The following ANXA6 variants were observed in gnomAD, a reference collection of about 807,000 sequenced individuals.
ANXA6 encodes the protein 67 kDa calelectrin.
ANXA6 carries 71 observed loss-of-function variants against 95.4 expected under a neutral mutation model. The observed-to-expected ratio is 0.74, with a 90% CI of 0.61 to 0.91. The LOEUF (loss-of-function observed/expected upper bound fraction) is 0.91, where lower values mean the gene tolerates loss of function less well. Ranked by LOEUF, ANXA6 falls within the 40% of genes least tolerant of loss-of-function variation. The pLI is 0.00. For missense variants in ANXA6, 830 were observed against 876.4 expected (o/e 0.95, Z 0.67); for synonymous variants, 289 against 315.9 (o/e 0.91, Z 0.90).
intron 22 of ANXA6, among the ~76,000 whole-genome samples, chr5:151,109,043 T>A (rs2113896817): frequency 6.6e-6 from 1 of 152,266 alleles, no homozygotes; most frequent in Admixed American, 6.5e-5. Context: ...ACAACAATCA[T>A]CTCGGGTAGA....
chr5:151,125,513 G>A (rs1022193077), intron 14 of ANXA6, among the ~76,000 whole-genome samples: 3 of 152,154 alleles, frequency 2.0e-5, no homozygotes, highest in African/African-American at 4.8e-5. Flanking sequence ...CTTGCCAGAA[G>A]CTCTGAAACT....
chr5:151,146,978 G>A (rs978551964), intron 2 of ANXA6, among the ~76,000 whole-genome samples: 3 of 152,068 alleles, frequency 2.0e-5, no homozygotes, highest in Non-Finnish European at 2.9e-5. Flanking sequence ...CTGCCATATT[G>A]TCCAGGCTGG....
intron 7 of ANXA6, among the ~76,000 whole-genome samples, chr5:151,135,544 T>C (rs1416382862): frequency 1.3e-5 from 2 of 152,340 alleles, no homozygotes; most frequent in East Asian, 3.9e-4. Context: ...TCCTTGGAGC[T>C]GAGCTTGAGA....
chr5:151,154,743 C>A (rs1766193537), intron 1 of ANXA6: 1 of 152,226 alleles, frequency 6.6e-6, no homozygotes, highest in Non-Finnish European at 1.5e-5. Flanking sequence ...AACCATTGAT[C>A]CTAGGACTGG....
At chr5:151,137,204 C>A in intron 6 of ANXA6, 27 bp downstream of exon 6, 1 of 1,596,914 alleles carries the variant, frequency 6.3e-7, no homozygotes, top group Middle Eastern at 1.7e-4. Context: ...TCTGAAGATC[C>A]TAAGCGGCCC....
chr5:151,126,082 C>G (rs922304167), intron 14 of ANXA6, among the ~76,000 whole-genome samples: 8 of 152,194 alleles, frequency 5.3e-5, no homozygotes, highest in Non-Finnish European at 1.0e-4. Flanking sequence ...CATCTGTTCT[C>G]AGCTTTCATG....
chr5:151,123,439 C>T (rs1167461493), intron 15 of ANXA6, among the ~76,000 whole-genome samples: 1 of 152,236 alleles, frequency 6.6e-6, no homozygotes, highest in Non-Finnish European at 1.5e-5. Context: ...TATGTCCTTT[C>T]TCTTCAGCTC....
chr5:151,121,291 C>T (rs1445803688), intron 17 of ANXA6, among the ~76,000 whole-genome samples: 1 of 152,198 alleles, frequency 6.6e-6, no homozygotes, highest in Non-Finnish European at 1.5e-5. Flanking sequence ...TCAGTTTCCT[C>T]ATCTGTAAAA....
intron 12 of ANXA6, among the ~76,000 whole-genome samples, chr5:151,128,872 T>C (rs1206583659): frequency 1.3e-5 from 2 of 152,050 alleles, no homozygotes; most frequent in East Asian, 3.9e-4. Flanking sequence ...AAAATTACCC[T>C]TTGGAAACAT....
intron 18 of ANXA6, among the ~76,000 whole-genome samples, chr5:151,119,047 C>G (rs1020114538): frequency 6.6e-6 from 1 of 152,244 alleles, no homozygotes; most frequent in Admixed American, 6.5e-5. Flanking sequence ...CGCCCTCCCT[C>G]TCTCCAGCAG....
intron 13 of ANXA6, among the ~76,000 whole-genome samples, chr5:151,127,111 T>G (rs1765348138): frequency 6.6e-6 from 1 of 152,230 alleles, no homozygotes; most frequent in Non-Finnish European, 1.5e-5. Context: ...TCCTTAGAAT[T>G]TGAATGGCTT....
rs1401571874 is a variant in ANXA6 at position 151,100,713 on chromosome 5, ATGTGTTTG to A, written c.*727_*734del. On this transcript the variant is annotated 3_prime_UTR_variant, in exon 26 of 26. Transcript: ENST00000354546. ...AGAGGCCCTCACTGGAAATGTGTTT[ATGTGTTTG>A]TGTATCTCTTTTTATTTCTTCCTTA... is the stretch of plus-strand genomic sequence containing the variant. 8.1e-6 allele frequency: 3 copies of A among 371,284 alleles called. No homozygotes were observed. Among genetic ancestry groups the A allele is most frequent in the East Asian group, 7.3e-5 (1 of 13,776 alleles). The allele number at this position is 371,284 out of a possible 1,614,324, so 23.0% of individuals were successfully genotyped here.
chr5:151,141,738 C>A, intron 2 of ANXA6: 1 of 984,730 alleles, frequency 1.0e-6, no homozygotes, highest in Middle Eastern at 5.2e-4. Flanking sequence ...AGGAACACAG[C>A]TCTCTTCCTG....
At chr5:151,150,732 G>A (rs1415104209) in intron 1 of ANXA6, among the ~76,000 whole-genome samples, 6 of 152,204 alleles carry the variant, frequency 3.9e-5, no homozygotes, top group African/African-American at 1.2e-4. Flanking sequence ...TGTGTGGTGG[G>A]GGGAGGAGGG....
chr5:151,129,121 T>C (rs2113927353), intron 12 of ANXA6, among the ~76,000 whole-genome samples: 1 of 152,376 alleles, frequency 6.6e-6, no homozygotes, highest in East Asian at 1.9e-4. Flanking sequence ...GACTGAACTA[T>C]CACTGCCCTT....
chr5:151,154,295 G>GTATATATATATATATATATATATATA (rs58268342), intron 1 of ANXA6, among the ~76,000 whole-genome samples: 2 of 138,944 alleles, frequency 1.4e-5, no homozygotes, highest in Non-Finnish European at 3.1e-5. Context: ...GCAGTTTGCA[G>GTATATATATATATATATATATATATA]TATATATATA....
At chr5:151,139,695 A>T (rs1283031032) in intron 3 of ANXA6, among the ~76,000 whole-genome samples, 1 of 152,222 alleles carries the variant, frequency 6.6e-6, no homozygotes, top group African/African-American at 2.4e-5. Flanking sequence ...TGCACAAATC[A>T]GGAAATTAAG....
chr5:151,132,983 G>T, intron 9 of ANXA6, 111 bp downstream of exon 9: 1 of 837,200 alleles, frequency 1.2e-6, no homozygotes. Flanking sequence ...TTTGGGTTGG[G>T]AATGAAGTAG....
intron 11 of ANXA6, among the ~76,000 whole-genome samples, chr5:151,130,293 G>A (rs1765459448): frequency 6.6e-6 from 1 of 151,168 alleles, no homozygotes. Context: ...AGAGTACAGT[G>A]GCGTGATCAC....
Sources: allele counts gnomAD v4.1 joint callset (sites outside exome capture counted in the v4.1 genomes callset), GRCh38; gene constraint gnomAD v4.1.1; transcripts MANE v1.5; gene names NCBI Gene and HGNC (gene_info 2026-07-23, HGNC 2026-07-21).